Variants in KDM4B observed in about 807,000 individuals in gnomAD.
KDM4B encodes lysine-specific demethylase 4B.
Under a neutral mutation model 125.2 loss-of-function variants are expected in KDM4B, and 32 were observed. The observed-to-expected ratio is 0.26, with a 90% CI of 0.19 to 0.34. The LOEUF (loss-of-function observed/expected upper bound fraction) is 0.34, where lower values mean the gene tolerates loss of function less well. Among genes scored for constraint, KDM4B ranks in the 10% least tolerant of loss-of-function variants. The pLI, the probability that KDM4B is intolerant of heterozygous loss-of-function variation, is 1.00. For synonymous variants in KDM4B, 721 were observed against 677.9 expected (o/e 1.06, Z -0.99); for missense variants, 1,190 against 1,577.7 (o/e 0.75, Z 4.16).
intron 1 of KDM4B, among the ~76,000 whole-genome samples, chr19:5,012,906 G>A (rs2035774652): frequency 6.6e-6 from 1 of 152,254 alleles, no homozygotes. Flanking sequence ...GTAAGGAATA[G>A]GGAGCTGCCT....
At chr19:5,125,094 C>CT (rs1258823684) in intron 11 of KDM4B, among the ~76,000 whole-genome samples, 3 of 151,672 alleles carry the variant, frequency 2.0e-5, no homozygotes, top group Non-Finnish European at 4.4e-5. Flanking sequence ...GACACGGGGT[C>CT]TCGCTATGTT....
chr19:5,100,329 A>G (rs1280522368), intron 9 of KDM4B, among the ~76,000 whole-genome samples: 3 of 151,360 alleles, frequency 2.0e-5, no homozygotes, highest in Non-Finnish European at 4.4e-5. Context: ...AACTCCCATC[A>G]CTCGCTATTG....
intron 15 of KDM4B, 71 bp from the exon 16 acceptor site, chr19:5,137,191 C>T (rs995837383): frequency 1.8e-6 from 2 of 1,125,018 alleles, no homozygotes; most frequent in East Asian, 2.6e-5. Flanking sequence ...CGGCCCCTCC[C>T]CCTGAGTTTC....
At chr19:5,010,193 A>C (rs2035684437) in intron 1 of KDM4B, among the ~76,000 whole-genome samples, 1 of 152,204 alleles carries the variant, frequency 6.6e-6, no homozygotes, top group Non-Finnish European at 1.5e-5. Flanking sequence ...TGGCACTTCC[A>C]AAGAGCACCA....
At position 5,112,140 on chromosome 19, in the gene KDM4B, C is replaced by A. The variant is rs368787213; in HGVS notation, c.1115+1322C>A. 1.5e-4 allele frequency: 45 copies of A among 307,872 alleles called. No homozygotes were observed. In the South Asian group the frequency reaches 1.9e-3, roughly 13 times the overall value. 19.1% of individuals were successfully genotyped at this position (307,872 alleles called of 1,614,324 possible). On this transcript the variant is annotated intron_variant, in intron 10 of 22. Transcript: ENST00000159111. The stretch of plus-strand genomic sequence containing the variant: ...TGGTGGTGTGCGCCTGTGGTCCCAA[C>A]TACTGAGAAGGCTGAGGCAGGAAGA...
intron 2 of KDM4B, among the ~76,000 whole-genome samples, chr19:5,026,390 T>C (rs559725931): frequency 2.0e-4 from 30 of 152,246 alleles, no homozygotes; most frequent in African/African-American, 7.2e-4. Context: ...TGATCACAGC[T>C]CACTGCGGCC....
intron 1 of KDM4B, among the ~76,000 whole-genome samples, chr19:4,976,936 T>C (rs926135164): frequency 2.6e-5 from 4 of 152,272 alleles, no homozygotes; most frequent in Admixed American, 2.0e-4. Context: ...TTTACGGTCA[T>C]GCTTTCTTTC....
chr19:5,107,846 C>A (rs565603276), intron 9 of KDM4B, among the ~76,000 whole-genome samples: 1 of 152,386 alleles, frequency 6.6e-6, no homozygotes, highest in African/African-American at 2.4e-5. Flanking sequence ...TCCTCGAAGG[C>A]TGTGCTTCCC....
intron 7 of KDM4B, 140 bp from the exon 8 acceptor site, chr19:5,077,227 G>T: frequency 1.4e-6 from 1 of 709,034 alleles, no homozygotes; most frequent in Non-Finnish European, 2.4e-6. Flanking sequence ...GAGAACCAAG[G>T]GCAGATCTGG....
chr19:5,077,176 T>A (rs1295667392), intron 7 of KDM4B, 191 bp from the exon 8 acceptor site: 1 of 615,018 alleles, frequency 1.6e-6, no homozygotes, highest in East Asian at 2.7e-5. Context: ...GGGCGGCTCC[T>A]GCGCATCTCC....
intron 2 of KDM4B, among the ~76,000 whole-genome samples, chr19:5,025,061 G>T (rs973703985): frequency 1.3e-5 from 2 of 152,254 alleles, no homozygotes; most frequent in Non-Finnish European, 2.9e-5. Flanking sequence ...CTGCTCTTGG[G>T]CCTCAAAATG....
rs946436018 is a variant in KDM4B at position 5,114,327 on chromosome 19, C to T, written c.1115+3509C>T. On this transcript the variant is annotated intron_variant, in intron 10 of 22. Transcript: ENST00000159111. The surrounding 1 kb of genome is among the most constrained non-coding windows in gnomAD (Gnocchi z 5.8). ...GGCCCAGGCCTCGTCTCCCCTACCC[C>T]TCCGAGCTCGGTGCTGCCTGTCCCC... 1.0e-6 allele frequency: 1 copy of T among 955,572 alleles called. No individual in the cohort carries two copies. The highest frequency in any genetic ancestry group is 1.5e-6 in the Non-Finnish European group (1 of 683,720). The allele number at this position is 955,572 out of a possible 1,614,324, so 59.2% of individuals were successfully genotyped here.
chr19:5,068,028 C>A (rs1315397063), intron 6 of KDM4B, among the ~76,000 whole-genome samples: 2 of 152,050 alleles, frequency 1.3e-5, no homozygotes, highest in South Asian at 4.1e-4. Flanking sequence ...AATAGCCAGA[C>A]AGATGCTCCC....
At position 5,047,746 on chromosome 19, in the gene KDM4B, G is replaced by A; in HGVS notation, c.626+77G>A. On this transcript the variant is annotated intron_variant, in intron 6 of 22. Coordinates refer to ENST00000159111, the MANE Select transcript of KDM4B (RefSeq NM_015015.3). ...GGGAGTCAATCCCGGGTACACGGCT[G>A]GGCGCCGTGGCAGGGGCCCCACCAG... 3 of 1,455,802 alleles carry A rather than the reference G, an allele frequency of 2.1e-6. No individual in the cohort carries two copies. The South Asian group carries it at 3.7e-5, about 18-fold the overall frequency. The allele number at this position is 1,455,802 out of a possible 1,614,324, so 90.2% of individuals were successfully genotyped here. A position where few individuals can be genotyped will look rare whatever the true frequency, so the allele number is the denominator to read the frequency against.
chr19:5,061,758 A>G (rs893322811), intron 6 of KDM4B, among the ~76,000 whole-genome samples: 4 of 152,018 alleles, frequency 2.6e-5, no homozygotes, highest in African/African-American at 7.2e-5. Flanking sequence ...TCTTTTAGCT[A>G]CATGGGAGGC....
chr19:5,094,543 A>G (rs1268776709), intron 9 of KDM4B, among the ~76,000 whole-genome samples: 2 of 148,768 alleles, frequency 1.3e-5, no homozygotes, highest in African/African-American at 2.5e-5. Context: ...CTAGACGGGC[A>G]TGGGGTCTGT....
chr19:5,110,230 G>T (rs981422302), intron 9 of KDM4B, among the ~76,000 whole-genome samples: 20 of 152,198 alleles, frequency 1.3e-4, no homozygotes, highest in African/African-American at 4.6e-4. Flanking sequence ...CAGGGTTTTG[G>T]GAGACTGAGG....
chr19:5,128,697 T>C (rs1166333480), intron 11 of KDM4B, among the ~76,000 whole-genome samples: 1 of 151,752 alleles, frequency 6.6e-6, no homozygotes, highest in Non-Finnish European at 1.5e-5. Context: ...CCCCTCTGCA[T>C]CTCCACGCCT....
chr19:5,068,661 G>C (rs1323578541), intron 6 of KDM4B, among the ~76,000 whole-genome samples: 1 of 152,220 alleles, frequency 6.6e-6, no homozygotes, highest in East Asian at 1.9e-4. Context: ...TCCGAGTGGC[G>C]GGAGGTGCAG....
Sources: allele counts gnomAD v4.1 joint callset (sites outside exome capture counted in the v4.1 genomes callset), GRCh38; gene constraint gnomAD v4.1.1; non-coding constraint Gnocchi (gnomAD v3.1); transcripts MANE v1.5; gene names NCBI Gene and HGNC (gene_info 2026-07-23, HGNC 2026-07-21).